VRK2: variants seen among roughly 807,000 people sequenced by gnomAD.
VRK2 encodes VRK serine/threonine kinase 2.
In VRK2, 60 loss-of-function variants were observed where a neutral mutation model predicts 57.6. That is an observed-to-expected ratio of 1.04 (90% CI 0.85 to 1.29). The LOEUF (loss-of-function observed/expected upper bound fraction) is 1.29. Ranked by LOEUF, VRK2 falls within the 50% of genes most tolerant of loss-of-function variation. The probability of loss-of-function intolerance (pLI) is 0.00; values close to 1 mark genes in which losing one functional copy is unlikely to be tolerated. For missense variants in VRK2, 705 were observed against 588.1 expected (o/e 1.20, Z -2.06); for synonymous variants, 231 against 199.2 (o/e 1.16, Z -1.35).
chr2:57,934,683 A>C (rs1318718290), intron 1 of VRK2, among the ~76,000 whole-genome samples: 2 of 151,922 alleles, frequency 1.3e-5, no homozygotes, highest in Non-Finnish European at 2.9e-5. Flanking sequence ...TCTCTTTTCT[A>C]CTGAAAATTT....
intron 1 of VRK2, among the ~76,000 whole-genome samples, chr2:58,007,341 T>C (rs1275861858): frequency 6.6e-6 from 1 of 151,942 alleles, no homozygotes; most frequent in East Asian, 1.9e-4. Context: ...ACAGAACGAA[T>C]ACAGTTGGCC....
In VRK2 at chr2:58,149,991, CTTTTCTTTTTTT is replaced by C. The variant is rs1189295574; in HGVS notation, c.1182+3522_1182+3533del. Reference sequence around the variant, plus strand: ...GATACTGGTCTGTAATTTTCTTTTTCTTTTCTTTTTTTTTTTTTTTTTTGCAAAGTGAAAGCA... The same window carrying C: ...GATACTGGTCTGTAATTTTCTTTTTCTTTTTTTTTTTGCAAAGTGAAAGCA... On this transcript the variant is annotated intron_variant, in intron 12 of 12. Transcript: ENST00000340157. Among the ~76,000 whole-genome samples the C allele has an allele frequency of 1.3e-4, 13 of 102,546 alleles. No homozygotes were observed. The East Asian group carries it at 3.9e-3, about 31-fold the overall frequency. 67.3% of individuals were successfully genotyped at this position (102,546 alleles called of 152,430 possible). A position where few individuals can be genotyped will look rare whatever the true frequency, so the allele number is the denominator to read the frequency against.
chr2:57,957,843 C>G (rs1671634571), intron 1 of VRK2, among the ~76,000 whole-genome samples: 1 of 152,038 alleles, frequency 6.6e-6, no homozygotes, highest in Non-Finnish European at 1.5e-5. Flanking sequence ...CTTCTCAACA[C>G]TATCTGACAT....
At chr2:57,935,023 G>A in intron 1 of VRK2, among the ~76,000 whole-genome samples, 1 of 152,026 alleles carries the variant, frequency 6.6e-6, no homozygotes, top group Admixed American at 6.5e-5. Flanking sequence ...CCTTGCTTAG[G>A]TTTCTTAAAA....
chr2:58,046,532 T>C (rs1198779778), upstream of VRK2: 2 of 985,432 alleles, frequency 2.0e-6, no homozygotes, highest in African/African-American at 3.5e-5. Flanking sequence ...ACCAAACTGG[T>C]CTGGCGGCGG....
chr2:57,945,418 G>A (rs1469072387), intron 1 of VRK2, among the ~76,000 whole-genome samples: 1 of 152,014 alleles, frequency 6.6e-6, no homozygotes, highest in African/African-American at 2.4e-5. Flanking sequence ...TATAAGGTCT[G>A]GCACATAATA....
At chr2:58,131,954 T>C (rs1679261429) in intron 9 of VRK2, 26 bp downstream of exon 9, 1 of 1,613,592 alleles carries the variant, frequency 6.2e-7, no homozygotes, top group Non-Finnish European at 8.5e-7. Context: ...TATTTCATCA[T>C]GTACTGCACC....
intron 1 of VRK2, among the ~76,000 whole-genome samples, chr2:58,023,668 AG>A (rs1673832212): frequency 6.6e-6 from 1 of 152,210 alleles, no homozygotes; most frequent in Non-Finnish European, 1.5e-5. Context: ...AAATCCCCAA[AG>A]CTTACCATTT....
intron 1 of VRK2, among the ~76,000 whole-genome samples, chr2:57,933,313 T>TC (rs1202735738): frequency 1.6e-5 from 2 of 128,698 alleles, no homozygotes; most frequent in African/African-American, 3.2e-5. Flanking sequence ...CTTTTTCTTT[T>TC]TTTTTTTTTT....
chr2:58,133,667 TA>T (rs2104551905), intron 9 of VRK2, among the ~76,000 whole-genome samples: 1 of 152,334 alleles, frequency 6.6e-6, no homozygotes, highest in Admixed American at 6.5e-5. Flanking sequence ...TGAATGTTTT[TA>T]TAGGTTGTGT....
chr2:58,090,901 A>G (rs1672284837), intron 7 of VRK2, among the ~76,000 whole-genome samples: 1 of 152,224 alleles, frequency 6.6e-6, no homozygotes. Context: ...CAGCCATGAA[A>G]AAACATGGAA....
At chr2:58,046,555 A>T (rs914539045), upstream of VRK2, 14 of 985,456 alleles carry the variant, frequency 1.4e-5, no homozygotes, top group Non-Finnish European at 1.7e-5. Context: ...CTTCGTCCAG[A>T]CGCTGGCGGG....
At chr2:58,016,309 A>G (rs1416689594) in intron 1 of VRK2, among the ~76,000 whole-genome samples, 1 of 152,044 alleles carries the variant, frequency 6.6e-6, no homozygotes, top group Non-Finnish European at 1.5e-5. Flanking sequence ...ACTCTTGCAG[A>G]ATGTCTAATT....
At chr2:57,909,956 C>G (rs13420190) in intron 1 of VRK2, among the ~76,000 whole-genome samples, 3,709 of 152,130 alleles carry the variant, frequency 0.024, 146 homozygotes, top group African/African-American at 0.085. Flanking sequence ...GCCATAATAA[C>G]AGGTATTTTA....
chr2:58,146,338 C>G lies in VRK2; in HGVS notation c.1046C>G (p.Thr349Arg). ...SQKVDSQKAATKQVNKAHNRL... is the reference protein window; with the variant it reads ...SQKVDSQKAARKQVNKAHNRL... ...CAGGTTGATTCACAAAAGGCTGCAA[C>G]AAAGCAAGTCAACAAGGCACACAAT... Residue 349 changes from threonine to arginine, a missense_variant, in exon 12 of 13, where the codon ACA (threonine) becomes AGA (arginine). Coordinates refer to ENST00000340157, the MANE Select transcript of VRK2 (RefSeq NM_006296.7). 1 of 1,609,872 alleles carries G rather than the reference C, an allele frequency of 6.2e-7. No homozygotes were observed. The highest frequency in any genetic ancestry group is 8.5e-7 in the Non-Finnish European group (1 of 1,177,462).
intron 1 of VRK2, among the ~76,000 whole-genome samples, chr2:57,968,633 A>G (rs755137381): frequency 1.3e-5 from 2 of 152,136 alleles, no homozygotes; most frequent in Non-Finnish European, 2.9e-5. Flanking sequence ...TTATCAGAGA[A>G]TATACCATTT....
At chr2:58,040,006 C>T (rs1674396935) in intron 3 of VRK2, among the ~76,000 whole-genome samples, 1 of 151,934 alleles carries the variant, frequency 6.6e-6, no homozygotes, top group African/African-American at 2.4e-5. Flanking sequence ...CTCAATCTCC[C>T]AGGCTCCCAA....
intron 1 of VRK2, among the ~76,000 whole-genome samples, chr2:58,004,730 G>C (rs189371658): frequency 1.2e-3 from 177 of 152,214 alleles, no homozygotes; most frequent in Admixed American, 1.9e-3. Context: ...TTTCATATAT[G>C]TGGTAATTTT....
intron 2 of VRK2, among the ~76,000 whole-genome samples, chr2:58,061,916 C>T (rs1158441692): frequency 6.6e-6 from 1 of 152,014 alleles, no homozygotes; most frequent in Non-Finnish European, 1.5e-5. Context: ...TCCCATGTTT[C>T]AACCTTAGCA....
Sources: gnomAD v4.1 joint callset for allele counts (sites outside exome capture counted in the v4.1 genomes callset) on GRCh38, gnomAD v4.1.1 for gene constraint, MANE v1.5 for transcripts, NCBI Gene and HGNC (gene_info 2026-07-23, HGNC 2026-07-21) for gene names.